SHISA9: variants seen among roughly 807,000 people sequenced by gnomAD.
SHISA9 encodes protein shisa-9.
SHISA9 carries 13 observed loss-of-function variants against 38.0 expected under a neutral mutation model. The observed-to-expected ratio is 0.34, with a 90% CI of 0.22 to 0.54. The LOEUF is 0.54. SHISA9 is among the 20% of genes least tolerant of loss of function. The probability of loss-of-function intolerance (pLI) is 0.91; values close to 1 mark genes in which losing one functional copy is unlikely to be tolerated. For synonymous variants in SHISA9, 275 were observed against 242.0 expected (o/e 1.14, Z -1.27); for missense variants, 538 against 575.8 (o/e 0.93, Z 0.67).
the SHISA9 span, among the ~76,000 whole-genome samples, chr16:13,416,277 ATTAAT>A: frequency 9.6e-4 from 146 of 152,334 alleles, 1 homozygote; most frequent in African/African-American, 3.1e-3. Context: ...TTATGCAGTA[ATTAAT>A]TTAATTCCTT....
the SHISA9 span, among the ~76,000 whole-genome samples, chr16:13,387,113 A>G: frequency 1.3e-5 from 2 of 152,206 alleles, no homozygotes; most frequent in Admixed American, 1.3e-4. Flanking sequence ...ATATTATAAA[A>G]TTCATCCATT....
At chr16:12,990,792 G>A (rs2072374815) in intron 2 of SHISA9, among the ~76,000 whole-genome samples, 1 of 152,144 alleles carries the variant, frequency 6.6e-6, no homozygotes. Flanking sequence ...TTGTACTGTG[G>A]TTGAGAAACC....
intron 2 of SHISA9, among the ~76,000 whole-genome samples, chr16:13,078,457 G>C (rs921513066): frequency 1.3e-5 from 2 of 151,588 alleles, no homozygotes; most frequent in African/African-American, 4.9e-5. Flanking sequence ...CCAGACTGGA[G>C]TGCAGTGGGG....
At chr16:13,426,791 C>G in the SHISA9 span, among the ~76,000 whole-genome samples, 1 of 152,310 alleles carries the variant, frequency 6.6e-6, no homozygotes, top group East Asian at 1.9e-4. Context: ...TCATCCTCAC[C>G]TCGCAGTGTG....
chr16:13,069,335 T>C (rs1250363337), intron 2 of SHISA9, among the ~76,000 whole-genome samples: 2 of 152,158 alleles, frequency 1.3e-5, no homozygotes, highest in South Asian at 2.1e-4. Flanking sequence ...AATGTACGCA[T>C]GCATATGTGT....
chr16:13,337,916 A>T, the SHISA9 span, among the ~76,000 whole-genome samples: 1 of 152,140 alleles, frequency 6.6e-6, no homozygotes, highest in Non-Finnish European at 1.5e-5. Context: ...AAGTTTCCTG[A>T]GGCCTCCCTA....
the SHISA9 span, among the ~76,000 whole-genome samples, chr16:13,279,678 A>G: frequency 6.6e-6 from 1 of 152,076 alleles, no homozygotes; most frequent in East Asian, 1.9e-4. Context: ...AGTCGATAGT[A>G]TCATTCAAGT....
the SHISA9 span, among the ~76,000 whole-genome samples, chr16:13,464,291 T>C: frequency 1.6e-4 from 25 of 152,146 alleles, no homozygotes; most frequent in Non-Finnish European, 3.2e-4. Context: ...CCCTGACCTG[T>C]TGGAGGAGTT....
the SHISA9 span, among the ~76,000 whole-genome samples, chr16:13,267,668 A>C: frequency 6.6e-6 from 1 of 152,190 alleles, no homozygotes; most frequent in Non-Finnish European, 1.5e-5. Context: ...TAGGTAAATG[A>C]TACAGTCCAG....
the SHISA9 span, among the ~76,000 whole-genome samples, chr16:13,274,935 C>A: frequency 6.6e-5 from 10 of 152,108 alleles, no homozygotes; most frequent in Non-Finnish European, 2.9e-5. Flanking sequence ...TGGCCCAGAG[C>A]GCTAATGATT....
At chr16:13,164,011 A>C (rs1374133169) in intron 2 of SHISA9, among the ~76,000 whole-genome samples, 1 of 152,000 alleles carries the variant, frequency 6.6e-6, no homozygotes, top group African/African-American at 2.4e-5. Context: ...ACCTCTAGTA[A>C]AATGTTGAAT....
intron 4 of SHISA9, among the ~76,000 whole-genome samples, chr16:13,234,163 GAATT>G (rs2051358694): frequency 6.6e-6 from 1 of 151,982 alleles, no homozygotes; most frequent in Non-Finnish European, 1.5e-5. Flanking sequence ...ATTAATAGGG[GAATT>G]AATTAATTTT....
chr16:13,258,542 G>C, the SHISA9 span: 2 of 152,184 alleles, frequency 1.3e-5, no homozygotes, highest in African/African-American at 4.8e-5. Flanking sequence ...AAATAGGGAT[G>C]CAATGGTGTA....
At position 12,908,533 on chromosome 16, in the gene SHISA9, A is replaced by G. The variant is rs369157564; in HGVS notation, c.563+5906A>G. ...CACAGATTTCTTTCCAAGAGGACGA[A>G]CCTGCCCCTGGAGAGTGGAGTGTCG... On this transcript the variant is annotated intron_variant, in intron 1 of 4. Coordinates refer to ENST00000558583, the MANE Select transcript of SHISA9 (RefSeq NM_001145204.3). The G allele has an allele frequency of 5.8e-6, 9 of 1,551,988 alleles. No homozygotes were observed. The African/African-American group carries it at 1.2e-4, about 21-fold the overall frequency.
chr16:13,108,681 G>C (rs183143823), intron 2 of SHISA9, among the ~76,000 whole-genome samples: 93 of 152,302 alleles, frequency 6.1e-4, no homozygotes, highest in Middle Eastern at 3.4e-3. Flanking sequence ...AAAAATCAGC[G>C]TATGAATTAG....
chr16:13,180,748 A>C (rs978610475), intron 2 of SHISA9, among the ~76,000 whole-genome samples: 1 of 152,150 alleles, frequency 6.6e-6, no homozygotes, highest in African/African-American at 2.4e-5. Context: ...TGTGGAACTG[A>C]AAATGAGAGA....
chr16:13,106,034 C>T (rs77387445), intron 2 of SHISA9, among the ~76,000 whole-genome samples: 3,072 of 152,214 alleles, frequency 0.02, 110 homozygotes, highest in African/African-American at 0.07. Flanking sequence ...TTTGTCCCTG[C>T]AGCCCTATGC....
At chr16:13,023,987 A>G (rs1473149265) in intron 2 of SHISA9, among the ~76,000 whole-genome samples, 1 of 152,234 alleles carries the variant, frequency 6.6e-6, no homozygotes, top group Non-Finnish European at 1.5e-5. Context: ...AACTCTGGGA[A>G]CAGAGAGGCT....
chr16:12,963,788 T>A (rs1036034282), intron 2 of SHISA9, among the ~76,000 whole-genome samples: 1 of 152,158 alleles, frequency 6.6e-6, no homozygotes, highest in Non-Finnish European at 1.5e-5. Context: ...GGTGGAAGCT[T>A]TTGAGTTGAG....
Sources: allele counts gnomAD v4.1 joint callset (sites outside exome capture counted in the v4.1 genomes callset), GRCh38; gene constraint gnomAD v4.1.1; transcripts MANE v1.5; gene names NCBI Gene and HGNC (gene_info 2026-07-23, HGNC 2026-07-21).